Variants in DNAH17 observed in about 807,000 individuals in gnomAD.
The protein encoded by DNAH17 is axonemal beta dynein heavy chain 17.
Under a neutral mutation model 485.6 loss-of-function variants are expected in DNAH17, and 376 were observed. The ratio of observed to expected loss-of-function variants is 0.77; its 90% CI spans 0.71 to 0.84. DNAH17 has a LOEUF of 0.84. Ranked by LOEUF, DNAH17 falls within the 40% of genes least tolerant of loss-of-function variation. The pLI is 0.00. For missense variants in DNAH17, 6,370 were observed against 5,839.3 expected (o/e 1.09, Z -2.96); for synonymous variants, 3,031 against 2,405.9 (o/e 1.26, Z -7.60).
intron 58 of DNAH17, among the ~76,000 whole-genome samples, chr17:78,461,093 C>A (rs2088098534): frequency 6.6e-6 from 1 of 151,990 alleles, no homozygotes; most frequent in South Asian, 2.1e-4. Flanking sequence ...AGGAGCCCAC[C>A]CCCAGGCCAG....
At chr17:78,501,646 AGAG>A in intron 34 of DNAH17, 93 bp downstream of exon 34, 1 of 1,494,574 alleles carries the variant, frequency 6.7e-7, no homozygotes, top group South Asian at 1.3e-5. Context: ...TGCCCCAGGA[AGAG>A]GAAGTGGCAG....
At chr17:78,449,999 G>T in intron 68 of DNAH17, 1 of 541,436 alleles carries the variant, frequency 1.8e-6, no homozygotes, top group African/African-American at 1.9e-5. Flanking sequence ...TGATTGGGTT[G>T]TGAGTGCCTG....
intron 21 of DNAH17, 39 bp downstream of exon 21, chr17:78,530,304 C>G (rs770454841): frequency 6.4e-7 from 1 of 1,565,752 alleles, no homozygotes; most frequent in East Asian, 2.3e-5. Context: ...GTGCTCTGCA[C>G]ATTCCTTGGG....
chr17:78,439,818 C>T (rs910320095), intron 72 of DNAH17, among the ~76,000 whole-genome samples: 7 of 151,762 alleles, frequency 4.6e-5, no homozygotes, highest in African/African-American at 7.3e-5. Context: ...TACAGGCGCC[C>T]GCCACCACAC....
chr17:78,521,330 G>A (rs541473880), intron 25 of DNAH17, among the ~76,000 whole-genome samples: 14 of 151,978 alleles, frequency 9.2e-5, no homozygotes, highest in South Asian at 2.1e-4. Flanking sequence ...CGCTTGAACC[G>A]GGGAGGTGGA....
In DNAH17 at chr17:78,466,703, C is replaced by A. The variant is rs767422089; in HGVS notation, c.8892G>T (p.Ala2964=). ...GGAAGCGGGCGCTGACGGACACCAG[C>A]GCATCTTCCGGCCACTCGTGGAACC... The part of the protein sequence containing the change: ...IDWFHEWPED[A]LVSVSARFLE... Residue 2964 remains alanine (A), a synonymous_variant, in exon 56 of 81, where the codon GCG becomes GCT. Transcript: ENST00000389840. The A allele has an allele frequency of 1.9e-6, 3 of 1,612,538 alleles. No homozygotes were observed. In the South Asian group the frequency reaches 3.3e-5, roughly 18 times the overall value.
At chr17:78,469,058 G>T (rs1017315146) in intron 54 of DNAH17, among the ~76,000 whole-genome samples, 175 bp from the exon 55 acceptor site, 10 of 152,246 alleles carry the variant, frequency 6.6e-5, no homozygotes, top group African/African-American at 2.2e-4. Flanking sequence ...CCGTCTCCTG[G>T]GTTCAAGCAA....
At chr17:78,484,744 C>CCAGGCG in intron 48 of DNAH17, 124 bp downstream of exon 48, 1 of 428,268 alleles carries the variant, frequency 2.3e-6, no homozygotes, top group Non-Finnish European at 3.7e-6. Flanking sequence ...GCAGCACCCC[C>CCAGGCG]CCCACCGCCC....
Position 78,544,014 on chromosome 17 carries a change from G to T in DNAH17, c.2392-17C>A, listed in dbSNP as rs767951871. ...CGACCAGTCCTGGAAGGAAAGCACA[G>T]GAGTGAGAAAAGGTGTTCTGGAGAA... is the stretch of plus-strand genomic sequence containing the variant. On this transcript the variant is annotated splice_polypyrimidine_tract_variant and intron_variant, in intron 16 of 80. Transcript: ENST00000389840. 6.2e-7 allele frequency: 1 copy of T among 1,613,912 alleles called. No individual in the cohort carries two copies.
rs1485900194 is a variant in DNAH17, at chr17:78,566,704, A to G, written c.1479T>C (p.Phe493=). 1 of 1,607,660 alleles carries G rather than the reference A, an allele frequency of 6.2e-7. No individual in the cohort carries two copies. The change falls in exon 11 of 81, where the codon TTT becomes TTC. Residue 493 remains phenylalanine (F), a synonymous_variant. Coordinates refer to ENST00000389840, the MANE Select transcript of DNAH17 (RefSeq NM_173628.4). ...TATCCAGGTCTTGGATTTTGATCTC[A>G]AAATCAGCATAATCACGGTCAAAAT... is the stretch of plus-strand genomic sequence containing the variant. ...DSNFDRDYAD[F]EIKIQDLDRR... is the part of the protein sequence containing the mutation.
At chr17:78,548,055 C>T (rs1251534953) in intron 16 of DNAH17, among the ~76,000 whole-genome samples, 6 of 152,306 alleles carry the variant, frequency 3.9e-5, no homozygotes, top group South Asian at 2.1e-4. Context: ...TGTTACACAG[C>T]ACTAGTTCTA....
chr17:78,552,709 A>G lies in DNAH17; in HGVS notation c.2275T>C (p.Trp759Arg). 1 of 1,613,764 alleles carries G rather than the reference A, an allele frequency of 6.2e-7. No homozygotes were observed. Among genetic ancestry groups the G allele is most frequent in the Non-Finnish European group, 8.5e-7 (1 of 1,179,672 alleles). ...GTGGCCTCCGTACCTTCGCCATTCC[A>G]GAATAATGTCGTTTCAGCGCTCAAT... ...KLLSAETTLF[W>R]NGEGVFQYIQ... Residue 759 changes from tryptophan to arginine, a missense_variant, in exon 15 of 81, where the codon TGG becomes CGG. Transcript: ENST00000389840.
chr17:78,519,547 G>A lies in DNAH17; in HGVS notation c.3865-4525C>T, dbSNP rs367799419. Among the ~76,000 whole-genome samples the A allele has an allele frequency of 3.9e-4, 59 of 152,244 alleles. 1 individual carries two copies. Among genetic ancestry groups the A allele is most frequent in the African/African-American group, 1.2e-3 (51 of 41,544 alleles). On this transcript the variant is annotated intron_variant, in intron 25 of 80. Coordinates refer to ENST00000389840, the MANE Select transcript of DNAH17 (RefSeq NM_173628.4). The stretch of plus-strand genomic sequence containing the variant: ...AAGTTTATAAACCTCTATTATGACC[G>A]ACAAAGATGAAGAGTGAAGACATAA...
chr17:78,498,125 G>A (rs2090138384), intron 37 of DNAH17, among the ~76,000 whole-genome samples: 1 of 138,488 alleles, frequency 7.2e-6, no homozygotes, highest in Non-Finnish European at 1.5e-5. Flanking sequence ...TGGGCAACAA[G>A]AGTAAAACTC....
chr17:78,495,607 T>C (rs2090042177), intron 38 of DNAH17, among the ~76,000 whole-genome samples: 1 of 152,038 alleles, frequency 6.6e-6, no homozygotes, highest in African/African-American at 2.4e-5. Context: ...CGAGCTAATT[T>C]TTGTATTTTT....
intron 65 of DNAH17, among the ~76,000 whole-genome samples, chr17:78,452,427 G>A (rs1202614176): frequency 6.6e-6 from 1 of 152,094 alleles, no homozygotes; most frequent in South Asian, 2.1e-4. Flanking sequence ...GCGACCACGT[G>A]CATGACCCCA....
At chr17:78,546,709 C>G (rs1227666130) in intron 16 of DNAH17, among the ~76,000 whole-genome samples, 3 of 152,148 alleles carry the variant, frequency 2.0e-5, no homozygotes, top group Non-Finnish European at 4.4e-5. Context: ...AATTTGAGAC[C>G]TGCCTGAACA....
intron 69 of DNAH17, among the ~76,000 whole-genome samples, chr17:78,448,489 T>C (rs1385239573): frequency 6.6e-6 from 1 of 152,192 alleles, no homozygotes; most frequent in Non-Finnish European, 1.5e-5. Context: ...ATTGCACCAC[T>C]GCACTCTAGC....
intron 75 of DNAH17, among the ~76,000 whole-genome samples, chr17:78,431,748 G>A (rs1178114673): frequency 3.3e-5 from 5 of 152,084 alleles, no homozygotes; most frequent in South Asian, 2.1e-4. Context: ...GTTGGCCAGC[G>A]CAGGCCACAT....
Sources: gnomAD v4.1 joint callset for allele counts (sites outside exome capture counted in the v4.1 genomes callset) on GRCh38, gnomAD v4.1.1 for gene constraint, MANE v1.5 for transcripts, NCBI Gene and HGNC (gene_info 2026-07-23, HGNC 2026-07-21) for gene names.